SLC25A53: variants seen among roughly 807,000 people sequenced by gnomAD.
The protein encoded by SLC25A53 is solute carrier family 25 member 53.
In SLC25A53, 5 loss-of-function variants were observed where a neutral mutation model predicts 15.0. That is an observed-to-expected ratio of 0.33 (90% CI 0.17 to 0.70). The LOEUF is 0.70. Among genes scored for constraint, SLC25A53 ranks in the 30% least tolerant of loss-of-function variants. SLC25A53 has a pLI of 0.67. For missense variants in SLC25A53, 216 were observed against 241.6 expected (o/e 0.89, Z 0.70); for synonymous variants, 95 against 100.0 (o/e 0.95, Z 0.30).
intron 1 of SLC25A53, among the ~76,000 whole-genome samples, chrX:104,119,983 CCTT>C (rs2075388509): frequency 8.9e-6 from 1 of 111,938 alleles, no homozygotes; most frequent in Non-Finnish European, 1.9e-5. Context: ...ATGCATATAT[CCTT>C]CTATATCCAG....
chrX:104,113,511 C>A (rs1202494511), intron 1 of SLC25A53: 2 of 111,713 alleles, frequency 1.8e-5, no homozygotes, highest in East Asian at 2.8e-4. Context: ...AATTTTCTCA[C>A]GGCAGGCACC....
rs2075320183 is a variant in SLC25A53 at position 104,107,981 on chromosome X, CAATA to C, written c.-31-2697_-31-2694del. ...GGGGGGTGATATTGGGCATTCAGGTCAATAGTTGATAGAGGAATTGTACTTTTCA... is the reference window on the plus strand; with the variant it reads ...GGGGGGTGATATTGGGCATTCAGGTCGTTGATAGAGGAATTGTACTTTTCA... On this transcript the variant is annotated intron_variant, in intron 1 of 1. Transcript: ENST00000594199. Among the ~76,000 whole-genome samples the C allele has an allele frequency of 3.6e-5, 4 of 112,068 alleles. No homozygotes were observed. In the South Asian group the frequency reaches 1.1e-3, roughly 31 times the overall value.
At chrX:104,117,659 C>A (rs1268741836) in intron 1 of SLC25A53, among the ~76,000 whole-genome samples, 5 of 110,933 alleles carry the variant, frequency 4.5e-5, no homozygotes, top group African/African-American at 1.6e-4. Flanking sequence ...CCCAACACTA[C>A]CTGGCTCTTA....
intron 1 of SLC25A53, among the ~76,000 whole-genome samples, chrX:104,106,031 G>A (rs1286008626): frequency 8.9e-5 from 10 of 111,927 alleles, no homozygotes; most frequent in Middle Eastern, 4.6e-3. Flanking sequence ...CTCTGCACTC[G>A]AGAATGTTCA....
chrX:104,125,574 C>T (rs907068166), intron 1 of SLC25A53, among the ~76,000 whole-genome samples: 3 of 112,175 alleles, frequency 2.7e-5, no homozygotes, highest in African/African-American at 9.7e-5. Context: ...CTCACAACAA[C>T]CCCTTGGAAG....
intron 1 of SLC25A53, among the ~76,000 whole-genome samples, chrX:104,111,619 A>G (rs1404701506): frequency 9.0e-6 from 1 of 111,009 alleles, no homozygotes; most frequent in Non-Finnish European, 1.9e-5. Flanking sequence ...CCCTCTCCCC[A>G]CTACCTCCTC....
intron 1 of SLC25A53, among the ~76,000 whole-genome samples, chrX:104,123,104 C>G (rs782079014): frequency 1.8e-5 from 2 of 112,221 alleles, no homozygotes; most frequent in Non-Finnish European, 3.8e-5. Flanking sequence ...ATAACGACAC[C>G]AATCGCTTCG....
At chrX:104,129,505 T>G (rs1404814593) in intron 1 of SLC25A53, among the ~76,000 whole-genome samples, 3 of 110,695 alleles carry the variant, frequency 2.7e-5, no homozygotes, top group African/African-American at 9.9e-5. Context: ...AATATGGCAC[T>G]AGATCGACTA....
intron 1 of SLC25A53, among the ~76,000 whole-genome samples, chrX:104,144,719 A>C (rs2075461076): frequency 8.9e-6 from 1 of 111,918 alleles, no homozygotes; most frequent in South Asian, 3.7e-4. Flanking sequence ...GAGACAAAGA[A>C]GGCCATTATA....
At chrX:104,154,989 G>T (rs2075496160) in intron 1 of SLC25A53, among the ~76,000 whole-genome samples, 1 of 111,063 alleles carries the variant, frequency 9.0e-6, no homozygotes, top group African/African-American at 3.3e-5. Context: ...ATACCACTTT[G>T]AACTCTATAA....
chrX:104,133,336 A>G (rs1176230100), intron 1 of SLC25A53, among the ~76,000 whole-genome samples: 1 of 111,706 alleles, frequency 9.0e-6, no homozygotes, highest in South Asian at 3.8e-4. Context: ...ATGATTCCCA[A>G]GGACACAGAG....
chrX:104,151,346 A>G (rs782792397), intron 1 of SLC25A53, among the ~76,000 whole-genome samples: 3 of 111,079 alleles, frequency 2.7e-5, no homozygotes, highest in Admixed American at 9.6e-5. Context: ...TCACAATCCT[A>G]TTTCTGCCAC....
intron 1 of SLC25A53, among the ~76,000 whole-genome samples, chrX:104,145,203 G>C (rs2075462603): frequency 8.9e-6 from 1 of 111,895 alleles, no homozygotes; most frequent in African/African-American, 3.3e-5. Context: ...ACCTGCTCCT[G>C]AATGACTACC....
intron 1 of SLC25A53, among the ~76,000 whole-genome samples, chrX:104,154,001 C>T (rs1399063739): frequency 1.8e-5 from 2 of 111,977 alleles, no homozygotes; most frequent in African/African-American, 6.5e-5. Flanking sequence ...GGAATTACAT[C>T]GAACTAAAAT....
rs1417536722 is a variant in SLC25A53, at chrX:104,152,334, T to A, written c.-32+4544A>T. On this transcript the variant is annotated intron_variant, in intron 1 of 1. Coordinates refer to ENST00000594199, the MANE Select transcript of SLC25A53 (RefSeq NM_001012755.5). ...TGAGTGAGAACATGCGGTGTTTGGT[T>A]TTTTGTCCTTGCAATAGTTTGCTGA... is the stretch of plus-strand genomic sequence containing the variant. Among the ~76,000 whole-genome samples, 6 of 105,453 alleles carry A rather than the reference T, an allele frequency of 5.7e-5. No homozygotes were observed. The Admixed American group carries it at 6.2e-4, about 11-fold the overall frequency. 91.6% of individuals were successfully genotyped at this position (105,453 alleles called of 115,157 possible). A position where few individuals can be genotyped will look rare whatever the true frequency, so the allele number is the denominator to read the frequency against.
In SLC25A53 at chrX:104,102,749, A is replaced by G. The variant is rs1343835646; in HGVS notation, c.*1585T>C. 6 of 112,011 alleles carry G rather than the reference A, an allele frequency of 5.4e-5. No homozygotes were observed. Among genetic ancestry groups the G allele is most frequent in the Admixed American group, 9.5e-5 (1 of 10,530 alleles). 9.2% of individuals were successfully genotyped at this position (112,011 alleles called of 1,213,427 possible). ...CTGCTTTCAATGAGTTTTACAGTCT[A>G]GTAGGAGGTATTGAAGAATACAAGA... On this transcript the variant is annotated 3_prime_UTR_variant, in exon 2 of 2. Transcript: ENST00000594199.
intron 1 of SLC25A53, among the ~76,000 whole-genome samples, chrX:104,139,110 G>A (rs2075444377): frequency 8.9e-6 from 1 of 112,937 alleles, no homozygotes; most frequent in East Asian, 2.8e-4. Flanking sequence ...ATCATTTAAA[G>A]GGATCATGCT....
intron 1 of SLC25A53, among the ~76,000 whole-genome samples, chrX:104,108,443 C>T (rs1213195344): frequency 1.8e-5 from 2 of 111,390 alleles, no homozygotes; most frequent in African/African-American, 6.5e-5. Flanking sequence ...AACGCATGCT[C>T]CTTCTGGATG....
Position 104,104,223 on chromosome X carries a change from A to G in SLC25A53, c.*111T>C, listed in dbSNP as rs2075294241. On this transcript the variant is annotated 3_prime_UTR_variant, in exon 2 of 2. Coordinates refer to ENST00000594199, the MANE Select transcript of SLC25A53 (RefSeq NM_001012755.5). ...GGAACTTCTCCCATGCAATGAGTTT[A>G]TAGATGCTAAAGGATGGCTGTATTA... The G allele has an allele frequency of 7.4e-6, 5 of 678,121 alleles. No individual in the cohort carries two copies. Among genetic ancestry groups the G allele is most frequent in the African/African-American group, 2.2e-5 (1 of 45,352 alleles). 55.9% of individuals were successfully genotyped at this position (678,121 alleles called of 1,213,427 possible).
Sources: gnomAD v4.1 joint callset for allele counts (sites outside exome capture counted in the v4.1 genomes callset) on GRCh38, gnomAD v4.1.1 for gene constraint, MANE v1.5 for transcripts, NCBI Gene and HGNC (gene_info 2026-07-23, HGNC 2026-07-21) for gene names.